Variants in ARID2 observed in about 807,000 individuals in gnomAD.
ARID2 encodes AT-rich interaction domain 2.
ARID2 carries 32 observed loss-of-function variants against 184.6 expected under a neutral mutation model. That is an observed-to-expected ratio of 0.17 (90% confidence interval 0.13 to 0.23). ARID2 has a LOEUF of 0.23. Ranked by LOEUF, ARID2 falls within the 10% of genes least tolerant of loss-of-function variation. The pLI, the probability that ARID2 is intolerant of heterozygous loss-of-function variation, is 1.00. For missense variants in ARID2, 1,696 were observed against 2,197.6 expected (o/e 0.77, Z 4.56); for synonymous variants, 836 against 772.6 (o/e 1.08, Z -1.36).
intron 6 of ARID2, 47 bp from the exon 7 acceptor site, chr12:45,836,537 CAATAG>C: frequency 2.0e-6 from 3 of 1,510,082 alleles, no homozygotes; most frequent in Non-Finnish European, 2.7e-6. Context: ...ATTTCTAAAG[CAATAG>C]AATAGTTGTT....
chr12:45,862,169 TTTTG>T (rs1317724281), intron 16 of ARID2, among the ~76,000 whole-genome samples: 5 of 137,092 alleles, frequency 3.6e-5, no homozygotes, highest in South Asian at 2.3e-4. Context: ...TTTAGTAGGT[TTTTG>T]TTTGTTTTTC....
Position 45,856,072 on chromosome 12 carries a change from T to C in ARID2, c.4773+3176T>C, listed in dbSNP as rs796318648. Among the ~76,000 whole-genome samples, 295 of 122,770 alleles carry C rather than the reference T, an allele frequency of 2.4e-3. 1 individual carries two copies. The highest frequency in any genetic ancestry group is 3.0e-3 in the Non-Finnish European group (181 of 60,460). 80.5% of individuals were successfully genotyped at this position (122,770 alleles called of 152,430 possible). On this transcript the variant is annotated intron_variant, in intron 15 of 20. Coordinates refer to ENST00000334344, the MANE Select transcript of ARID2 (RefSeq NM_152641.4). The stretch of plus-strand genomic sequence containing the variant: ...CTCTTTTTCTTTCTTCTTTTCTTTT[T>C]TTTTTTTTTTTTTTTTTTTTGAGAC...
chr12:45,849,863 A>G (rs1311145437), intron 14 of ARID2, 87 bp downstream of exon 14: 15 of 1,435,952 alleles, frequency 1.0e-5, no homozygotes, highest in African/African-American at 1.5e-5. Context: ...TTTTAAATGT[A>G]TAACTTTTGT....
At chr12:45,799,006 T>A (rs1433637082) in intron 3 of ARID2, among the ~76,000 whole-genome samples, 1 of 151,908 alleles carries the variant, frequency 6.6e-6, no homozygotes, top group Non-Finnish European at 1.5e-5. Context: ...GGTATTAAAA[T>A]AAAAATATAC....
chr12:45,761,728 T>C (rs1941683867), intron 3 of ARID2, among the ~76,000 whole-genome samples: 1 of 152,078 alleles, frequency 6.6e-6, no homozygotes, highest in African/African-American at 2.4e-5. Flanking sequence ...CTTTTCTCCT[T>C]AGCACTTTAA....
At chr12:45,821,787 G>A (rs928792998) in intron 6 of ARID2, among the ~76,000 whole-genome samples, 2 of 152,104 alleles carry the variant, frequency 1.3e-5, no homozygotes, top group African/African-American at 4.8e-5. Context: ...GGAAGTTTTC[G>A]TTTTTATGTG....
chr12:45,790,867 C>T (rs572985517), intron 3 of ARID2, among the ~76,000 whole-genome samples: 63 of 152,188 alleles, frequency 4.1e-4, no homozygotes, highest in Middle Eastern at 3.4e-3. Flanking sequence ...TTCCCTTTAT[C>T]AAATAAGGAA....
chr12:45,800,331 T>A (rs1410701149), intron 3 of ARID2, among the ~76,000 whole-genome samples: 1 of 152,116 alleles, frequency 6.6e-6, no homozygotes, highest in Non-Finnish European at 1.5e-5. Flanking sequence ...ACTGTAAAAT[T>A]CATATTAAAT....
intron 3 of ARID2, among the ~76,000 whole-genome samples, chr12:45,785,173 A>G (rs1450532442): frequency 6.6e-6 from 1 of 152,206 alleles, no homozygotes; most frequent in Non-Finnish European, 1.5e-5. Context: ...TAAAGATAGT[A>G]AATTATAGAG....
chr12:45,792,497 C>T (rs539268224), intron 3 of ARID2, among the ~76,000 whole-genome samples: 25 of 152,210 alleles, frequency 1.6e-4, no homozygotes, highest in South Asian at 1.2e-3. Context: ...TGCATTGTAA[C>T]GCAGAGTTCA....
At chr12:45,807,598 A>G (rs966373110) in intron 3 of ARID2, among the ~76,000 whole-genome samples, 2 of 152,190 alleles carry the variant, frequency 1.3e-5, no homozygotes, top group South Asian at 4.1e-4. Context: ...GGAATTTCAC[A>G]TAAGAAAAAA....
At chr12:45,792,073 A>G (rs1373835296) in intron 3 of ARID2, among the ~76,000 whole-genome samples, 1 of 152,084 alleles carries the variant, frequency 6.6e-6, no homozygotes, top group Non-Finnish European at 1.5e-5. Context: ...TTTCTATTTC[A>G]TTGATTTCTG....
intron 5 of ARID2, among the ~76,000 whole-genome samples, chr12:45,820,774 A>G (rs1490744364): frequency 6.6e-6 from 1 of 152,188 alleles, no homozygotes; most frequent in Non-Finnish European, 1.5e-5. Flanking sequence ...GTACTTATCT[A>G]TGTGCCTTAA....
intron 4 of ARID2, 31 bp from the exon 5 acceptor site, chr12:45,817,636 TTGA>T (rs1486331931): frequency 1.3e-6 from 2 of 1,520,588 alleles, no homozygotes; most frequent in Non-Finnish European, 1.8e-6. Context: ...TATCTGATCT[TTGA>T]TATACTTAAG....
chr12:45,867,338 A>T (rs1426229144), intron 16 of ARID2, among the ~76,000 whole-genome samples: 10 of 151,876 alleles, frequency 6.6e-5, no homozygotes, highest in Admixed American at 6.6e-4. Flanking sequence ...CTGTAACCTC[A>T]ACTTCCTGAG....
intron 3 of ARID2, among the ~76,000 whole-genome samples, chr12:45,747,769 A>G (rs1167831035): frequency 6.6e-6 from 1 of 152,190 alleles, no homozygotes; most frequent in East Asian, 1.9e-4. Context: ...ATTGTGGTAA[A>G]TGTGTCATTT....
chr12:45,768,629 G>T (rs781643157), intron 3 of ARID2, among the ~76,000 whole-genome samples: 11 of 152,186 alleles, frequency 7.2e-5, no homozygotes, highest in Non-Finnish European at 1.5e-4. Context: ...GTGAGAGACA[G>T]TTAGGAGGAG....
rs2137962965 is a variant in ARID2, at chr12:45,731,289, T to C, written c.259T>C (p.Phe87Leu). 1 of 1,613,842 alleles carries C rather than the reference T, an allele frequency of 6.2e-7. No individual in the cohort carries two copies. The change falls in exon 3 of 21, where the codon TTT becomes CTT. Residue 87 changes from phenylalanine (F) to leucine (L), a missense_variant. Phe to Leu is a conservative substitution (Grantham distance 22, BLOSUM62 0). This residue lies in a region of ARID2 where 148 missense variants were observed against 285.4 expected (regional missense o/e 0.52). Transcript: ENST00000334344. ...TCCCAGAAGTTGTTCTAACGCTGCC[T>C]TTGCTTTAAAACAGTATTACTTGCG... ...NFPRSCSNAA[F>L]ALKQYYLRYL...
At chr12:45,862,981 G>T (rs966256359) in intron 16 of ARID2, among the ~76,000 whole-genome samples, 2 of 152,042 alleles carry the variant, frequency 1.3e-5, no homozygotes, top group Non-Finnish European at 2.9e-5. Flanking sequence ...CTCTACGAGG[G>T]TGCATGTGCC....
Sources: allele counts gnomAD v4.1 joint callset (sites outside exome capture counted in the v4.1 genomes callset), GRCh38; gene constraint gnomAD v4.1.1; regional missense constraint gnomAD v4.1.1; transcripts MANE v1.5; gene names NCBI Gene and HGNC (gene_info 2026-07-23, HGNC 2026-07-21).